ABCB4: variants seen among roughly 807,000 people sequenced by gnomAD.
ABCB4 encodes phosphatidylcholine translocator ABCB4.
A neutral mutation model predicts 145.7 loss-of-function variants in ABCB4; 76 were observed. The observed-to-expected ratio is 0.52, with a 90% CI of 0.43 to 0.63. The LOEUF is 0.63. Ranked by LOEUF, ABCB4 falls within the 30% of genes least tolerant of loss-of-function variation. The pLI, the probability that ABCB4 is intolerant of heterozygous loss-of-function variation, is 0.00. For missense variants in ABCB4, 1,234 were observed against 1,553.1 expected, an observed-to-expected ratio of 0.79 and a Z score of 3.45; for synonymous variants, 517 against 566.8, an observed-to-expected ratio of 0.91 and a Z score of 1.25.
chr7:87,464,388 C>G (rs561491057), intron 3 of ABCB4, among the ~76,000 whole-genome samples: 160 of 152,250 alleles, frequency 1.1e-3, no homozygotes, highest in African/African-American at 3.6e-3. Flanking sequence ...AGTCAAGAGC[C>G]AATGGAGCTG....
At chr7:87,472,725 C>A in intron 2 of ABCB4, 50 bp from the exon 3 acceptor site, 1 of 1,271,380 alleles carries the variant, frequency 7.9e-7, no homozygotes, top group Non-Finnish European at 1.1e-6. Context: ...AAATGTTTTA[C>A]AATCAATTGA....
chr7:87,453,705 A>G (rs1445823105), intron 5 of ABCB4, among the ~76,000 whole-genome samples: 1 of 152,196 alleles, frequency 6.6e-6, no homozygotes, highest in African/African-American at 2.4e-5. Flanking sequence ...CAAAAAAGTT[A>G]ATGATTTGTT....
At chr7:87,454,410 C>G in intron 5 of ABCB4, 125 bp downstream of exon 5, 1 of 783,662 alleles carries the variant, frequency 1.3e-6, no homozygotes, top group African/African-American at 1.8e-5. Flanking sequence ...GATTTGGGAG[C>G]AAAAATGATA....
At chr7:87,449,863 G>T (rs2116779231) in intron 8 of ABCB4, 105 bp downstream of exon 8, 2 of 1,556,934 alleles carry the variant, frequency 1.3e-6, no homozygotes, top group Admixed American at 3.4e-5. Flanking sequence ...TATGCGAGAA[G>T]GGTTAATATT....
chr7:87,370,691 C>T, the ABCB4 span, among the ~76,000 whole-genome samples: 1 of 152,174 alleles, frequency 6.6e-6, no homozygotes. Flanking sequence ...TCCAAAGATT[C>T]CCGTCATCCC....
chr7:87,408,057 C>G lies in ABCB4; in HGVS notation c.3259G>C (p.Asp1087His). 6.2e-7 allele frequency: 1 copy of G among 1,614,028 alleles called. No homozygotes were observed. Residue 1087 changes from aspartate (D) to histidine (H), a missense_variant, in exon 25 of 28, where the codon GAC (aspartate) becomes CAC (histidine). Transcript: ENST00000649586. ...TVVQLLERFY[D>H]PLAGTVLLDG... is the part of the protein sequence containing the mutation. ...CTCACCACTGTCCCCGCCAAGGGGT[C>G]GTAGAACCGCTCCAGGAGCTGGACC...
intron 9 of ABCB4, among the ~76,000 whole-genome samples, chr7:87,445,735 A>G (rs1811300592): frequency 6.6e-6 from 1 of 152,224 alleles, no homozygotes; most frequent in Non-Finnish European, 1.5e-5. Flanking sequence ...TAACTCAAAT[A>G]TCAGTTAAAT....
chr7:87,468,652 C>T (rs893839057), intron 3 of ABCB4, among the ~76,000 whole-genome samples: 3 of 152,034 alleles, frequency 2.0e-5, no homozygotes, highest in South Asian at 2.1e-4. Context: ...ACTGGCAAAC[C>T]GTGGGCGCGG....
chr7:87,392,904 G>A, the ABCB4 span: 3 of 1,610,960 alleles, frequency 1.9e-6, no homozygotes, highest in East Asian at 4.5e-5. Flanking sequence ...AACAATATAA[G>A]CATCTGTAGG....
intron 3 of ABCB4, among the ~76,000 whole-genome samples, chr7:87,463,132 A>C (rs1363297710): frequency 6.6e-6 from 1 of 152,116 alleles, no homozygotes; most frequent in Non-Finnish European, 1.5e-5. Flanking sequence ...TTGGTATCTG[A>C]TTTGAATAAA....
In ABCB4 at chr7:87,462,827, G is replaced by C. The variant is rs8187788; in HGVS notation, c.217C>G (p.Leu73Val). Reference sequence around the variant, plus strand: ...ATCTCTCCAAATACTATCATCATGAGGGGGAGACCTGATCCGTGAGCTATG... The same window carrying C: ...ATCTCTCCAAATACTATCATCATGACGGGGAGACCTGATCCGTGAGCTATG... ...MAIAHGSGLP[L>V]MMIVFGEMTD... Residue 73 changes from leucine to valine, a missense_variant, in exon 4 of 28, where the codon CTC (leucine) becomes GTC (valine). Coordinates refer to ENST00000649586, the MANE Select transcript of ABCB4 (RefSeq NM_000443.4). 1,784 of 1,613,634 alleles carry C rather than the reference G, an allele frequency of 1.1e-3. 3 individuals are homozygous for C. Among genetic ancestry groups the C allele is most frequent in the Non-Finnish European group, 1.4e-3 (1,665 of 1,179,644 alleles).
At chr7:87,472,543 G>T (rs1305112908) in intron 3 of ABCB4, 78 bp downstream of exon 3, 3 of 1,241,444 alleles carry the variant, frequency 2.4e-6, no homozygotes, top group African/African-American at 3.0e-5. Flanking sequence ...TAAAGTATTT[G>T]CTTTAAAGGT....
At chr7:87,405,114 C>A (rs747656781) in intron 26 of ABCB4, among the ~76,000 whole-genome samples, 1 of 152,150 alleles carries the variant, frequency 6.6e-6, no homozygotes, top group African/African-American at 2.4e-5. Context: ...CAGGAAATAA[C>A]CCAGCTATCC....
chr7:87,426,628 C>T (rs1809828690), intron 16 of ABCB4, 122 bp downstream of exon 16: 1 of 968,472 alleles, frequency 1.0e-6, no homozygotes, highest in Non-Finnish European at 1.6e-6. Context: ...TTTTTCTTTA[C>T]AAAGAGTATG....
At chr7:87,403,002 A>C (rs11763411) in intron 27 of ABCB4, 133 bp downstream of exon 27, 1 of 1,055,034 alleles carries the variant, frequency 9.5e-7, no homozygotes, top group African/African-American at 1.6e-5. Context: ...TCTCAAAAAA[A>C]TAAAAATAAA....
the ABCB4 span, chr7:87,375,405 AAATTT>A: frequency 2.2e-6 from 1 of 454,886 alleles, no homozygotes; most frequent in Non-Finnish European, 3.9e-6. Context: ...GCCAATAACT[AAATTT>A]ATTTACTGAA....
At chr7:87,431,043 G>T (rs563946987) in intron 15 of ABCB4, among the ~76,000 whole-genome samples, 25 of 152,220 alleles carry the variant, frequency 1.6e-4, no homozygotes, top group Admixed American at 2.6e-4. Flanking sequence ...AAAGTCTCTG[G>T]CATTCCATAT....
At chr7:87,455,031 A>T (rs1812019928) in intron 4 of ABCB4, among the ~76,000 whole-genome samples, 1 of 152,014 alleles carries the variant, frequency 6.6e-6, no homozygotes, top group African/African-American at 2.4e-5. Flanking sequence ...ACTTTATAGA[A>T]CTTCAATAAA....
intron 3 of ABCB4, among the ~76,000 whole-genome samples, chr7:87,469,290 G>A (rs1458777178): frequency 6.6e-6 from 1 of 152,162 alleles, no homozygotes; most frequent in Non-Finnish European, 1.5e-5. Context: ...AAAACTGGAA[G>A]CATTCCCTTT....
Sources: allele counts gnomAD v4.1 joint callset (sites outside exome capture counted in the v4.1 genomes callset), GRCh38; gene constraint gnomAD v4.1.1; transcripts MANE v1.5; gene names NCBI Gene and HGNC (gene_info 2026-07-23, HGNC 2026-07-21).